The following PUF60 variants were observed in gnomAD, a reference collection of about 807,000 sequenced individuals.
PUF60 encodes the protein poly(U)-binding-splicing factor PUF60.
PUF60 carries 10 observed loss-of-function variants against 61.8 expected under a neutral mutation model. The observed-to-expected ratio is 0.16, with a 90% CI of 0.10 to 0.27. The LOEUF is 0.27. PUF60 is among the 10% of genes least tolerant of loss of function. The pLI is 1.00. For synonymous variants in PUF60, 353 were observed against 300.9 expected (o/e 1.17, Z -1.79); for missense variants, 371 against 754.0 (o/e 0.49, Z 5.95).
chr8:143,819,210 G>GC (rs998482057), intron 5 of PUF60, among the ~76,000 whole-genome samples: 2 of 152,090 alleles, frequency 1.3e-5, no homozygotes, highest in Admixed American at 1.3e-4. Flanking sequence ...CACTGGCCTG[G>GC]CCCCCGGGGG....
At chr8:143,828,837 G>T in intron 1 of PUF60, 2 of 798,858 alleles carry the variant, frequency 2.5e-6, no homozygotes, top group East Asian at 1.3e-4. Flanking sequence ...CATGCTCTGA[G>T]CTGCAGGCCC....
rs369896699 is a variant in PUF60, at chr8:143,821,872, G to A, written c.153C>T (p.Ala51=). The change falls in exon 3 of 12, where the codon GCC becomes GCT. Residue 51 remains alanine, a synonymous_variant. Coordinates refer to ENST00000526683, the MANE Select transcript of PUF60 (RefSeq NM_078480.3). ...TCAGGGGAGGCAGCCCCAGCTTGGC[G>A]GCTGTGCTCTGCCCGTTCTCCATCT... ...SIKMENGQST[A]AKLGLPPLTP... 45 of 1,609,742 alleles carry A rather than the reference G, an allele frequency of 2.8e-5. No homozygotes were observed. The highest frequency in any genetic ancestry group is 8.9e-5 in the East Asian group (4 of 44,856).
Position 143,817,135 on chromosome 8 carries a change from T to C in PUF60, c.1155A>G (p.Pro385=), listed in dbSNP as rs766194613. The C allele has an allele frequency of 1.2e-6, 2 of 1,602,758 alleles. No individual in the cohort carries two copies. Among genetic ancestry groups the C allele is most frequent in the South Asian group, 1.1e-5 (1 of 89,606 alleles). Residue 385 remains proline, a synonymous_variant, in exon 11 of 12, where the codon CCA becomes CCG. Transcript: ENST00000526683. This position sits in a 1 kb window ranked among gnomAD's most constrained non-coding sequence, Gnocchi z 7.4. Reference sequence around the variant, plus strand: ...TGGTGACCGGGATAGGAGGACGGGCTGGGGTCACACCTGCAGGAAAACCAA... The same window carrying C: ...TGGTGACCGGGATAGGAGGACGGGCCGGGGTCACACCTGCAGGAAAACCAA... ...QAPGVITGVT[P]ARPPIPVTIP...
intron 4 of PUF60, chr8:143,821,207 G>A (rs965735033): frequency 2.6e-5 from 11 of 418,072 alleles, no homozygotes; most frequent in Middle Eastern, 1.4e-3. Context: ...GCAGGGGTGA[G>A]GGCCTGAGCA....
intron 5 of PUF60, among the ~76,000 whole-genome samples, chr8:143,819,466 G>GC (rs1816767673): frequency 6.6e-6 from 1 of 152,160 alleles, no homozygotes; most frequent in Non-Finnish European, 1.5e-5. Context: ...GACAGCTGGA[G>GC]CCAGGCCCTG....
Position 143,817,306 on chromosome 8 carries a change from G to A in PUF60, c.1144+25C>T. The A allele has an allele frequency of 6.4e-7, 1 of 1,573,950 alleles. No individual in the cohort carries two copies. Among genetic ancestry groups the A allele is most frequent in the Middle Eastern group, 1.7e-4 (1 of 5,892 alleles). Reference sequence around the variant, plus strand: ...AGAGATGCCAGGACAGGAGAGGAGAGGATCTGGTACCACTTAAGACTCACC... The same window carrying A: ...AGAGATGCCAGGACAGGAGAGGAGAAGATCTGGTACCACTTAAGACTCACC... On this transcript the variant is annotated intron_variant, in intron 10 of 11. Transcript: ENST00000526683. This position sits in a 1 kb window ranked among gnomAD's most constrained non-coding sequence, Gnocchi z 7.4.
intron 1 of PUF60, among the ~76,000 whole-genome samples, chr8:143,825,930 C>T (rs538312278): frequency 3.2e-4 from 48 of 152,332 alleles, no homozygotes; most frequent in Non-Finnish European, 8.8e-5. Flanking sequence ...GGATGTGGCT[C>T]GGAAAAACAT....
intron 1 of PUF60, among the ~76,000 whole-genome samples, chr8:143,826,823 G>A (rs955435979): frequency 1.3e-5 from 2 of 152,184 alleles, no homozygotes; most frequent in Non-Finnish European, 2.9e-5. Flanking sequence ...CTGTCTCCTA[G>A]GGCTACTGTG....
chr8:143,818,732 C>T lies in PUF60; in HGVS notation c.349-198G>A. On this transcript the variant is annotated intron_variant, in intron 5 of 11. Transcript: ENST00000526683. This position sits in a 1 kb window ranked among gnomAD's most constrained non-coding sequence, Gnocchi z 7.9. Reference sequence around the variant, plus strand: ...CGCCACCCAAAGAAGGAAGGCCAGGCCCAGCGGCAGGACAGGACGCACCCC... The same window carrying T: ...CGCCACCCAAAGAAGGAAGGCCAGGTCCAGCGGCAGGACAGGACGCACCCC... 3.1e-6 allele frequency: 2 copies of T among 636,418 alleles called. No homozygotes were observed. The highest frequency in any genetic ancestry group is 5.3e-6 in the Non-Finnish European group (2 of 374,770). The allele number at this position is 636,418 out of a possible 1,614,324, so 39.4% of individuals were successfully genotyped here. A position where few individuals can be genotyped will look rare whatever the true frequency, so the allele number is the denominator to read the frequency against.
At chr8:143,821,115 G>A (rs1167433369) in intron 4 of PUF60, among the ~76,000 whole-genome samples, 1 of 152,272 alleles carries the variant, frequency 6.6e-6, no homozygotes, top group African/African-American at 2.4e-5. Context: ...TCCGGCCACA[G>A]GCCTGGAGCA....
At position 143,817,736 on chromosome 8, in the gene PUF60, G is replaced by A. The variant is rs1816527163; in HGVS notation, c.864C>T (p.Asn288=). 1 of 1,612,634 alleles carries A rather than the reference G, an allele frequency of 6.2e-7. No individual in the cohort carries two copies. The highest frequency in any genetic ancestry group is 1.1e-5 in the South Asian group (1 of 91,078). The change falls in exon 9 of 12, where the codon AAC becomes AAT. Residue 288 remains asparagine, a synonymous_variant. Coordinates refer to ENST00000526683, the MANE Select transcript of PUF60 (RefSeq NM_078480.3). The surrounding 1 kb of genome is among the most constrained non-coding windows in gnomAD (Gnocchi z 7.4). ...QSSQDAVSSM[N]LFDLGGQYLR... ...AGTACTGGCCACCCAGGTCAAAGAG[G>A]TTCATGGAAGACACAGCATCTTGGG...
Position 143,816,890 on chromosome 8 carries a change from C to A in PUF60, c.1380+20G>T. On this transcript the variant is annotated intron_variant, in intron 11 of 11. Transcript: ENST00000526683. ...GCCCCCCTACCCTCTCCCCCGCCAC[C>A]ACCCTGCCCCTCTGCCTACCTCCTG... 1 of 1,565,332 alleles carries A rather than the reference C, an allele frequency of 6.4e-7. No homozygotes were observed.
intron 2 of PUF60, among the ~76,000 whole-genome samples, chr8:143,824,025 CG>C (rs1554646299): frequency 6.6e-6 from 1 of 152,262 alleles, no homozygotes; most frequent in African/African-American, 2.4e-5. Context: ...CAGGCCCCGG[CG>C]TCCCCGCCCA....
Position 143,818,970 on chromosome 8 carries a change from C to T in PUF60, c.349-436G>A. The T allele has an allele frequency of 5.4e-6, 1 of 184,390 alleles. No homozygotes were observed. The highest frequency in any genetic ancestry group is 1.1e-5 in the Non-Finnish European group (1 of 89,608). The allele number at this position is 184,390 out of a possible 1,614,324, so 11.4% of individuals were successfully genotyped here. A position where few individuals can be genotyped will look rare whatever the true frequency, so the allele number is the denominator to read the frequency against. On this transcript the variant is annotated intron_variant, in intron 5 of 11. Transcript: ENST00000526683. This position sits in a 1 kb window ranked among gnomAD's most constrained non-coding sequence, Gnocchi z 7.9. Reference sequence around the variant, plus strand: ...CTGGAGGGACCCACTGGTTTGGTGGCCAGAAGAGAGGAGGTCAGAAGACAG... The same window carrying T: ...CTGGAGGGACCCACTGGTTTGGTGGTCAGAAGAGAGGAGGTCAGAAGACAG...
chr8:143,824,391 A>G lies in PUF60; in HGVS notation c.33T>C (p.Asn11=). The G allele has an allele frequency of 6.2e-7, 1 of 1,612,018 alleles. No homozygotes were observed. The highest frequency in any genetic ancestry group is 8.5e-7 in the Non-Finnish European group (1 of 1,179,742). The change falls in exon 2 of 12, where the codon AAT becomes AAC. Residue 11 remains asparagine, a synonymous_variant. Transcript: ENST00000526683. ...GCTCGGACCCCCCTCCTTGCTGGCC[A>G]TTGACCTGCTGCAGGCAGGAAGGAG... MATATIALQV[N]GQQGGGSEPA...
intron 2 of PUF60, chr8:143,822,336 C>A: frequency 2.7e-6 from 1 of 366,206 alleles, no homozygotes; most frequent in Non-Finnish European, 5.5e-6. Context: ...GGACTCCTTG[C>A]TCCCAGGCTC....
At position 143,818,704 on chromosome 8, in the gene PUF60, C is replaced by A; in HGVS notation, c.349-170G>T. On this transcript the variant is annotated intron_variant, in intron 5 of 11. Transcript: ENST00000526683. This position sits in a 1 kb window ranked among gnomAD's most constrained non-coding sequence, Gnocchi z 7.9. ...CAGTCATAGTGTGGGGGTCGCAGGACCCCGCCACCCAAAGAAGGAAGGCCA... is the reference window on the plus strand; with the variant it reads ...CAGTCATAGTGTGGGGGTCGCAGGAACCCGCCACCCAAAGAAGGAAGGCCA... 1.4e-6 allele frequency: 1 copy of A among 714,126 alleles called. No homozygotes were observed. Among genetic ancestry groups the A allele is most frequent in the East Asian group, 2.8e-5 (1 of 36,096 alleles). 44.2% of individuals were successfully genotyped at this position (714,126 alleles called of 1,614,324 possible).
At chr8:143,827,934 T>A (rs902673333) in intron 1 of PUF60, among the ~76,000 whole-genome samples, 1 of 152,186 alleles carries the variant, frequency 6.6e-6, no homozygotes, top group East Asian at 1.9e-4. Flanking sequence ...CACCTTCCCA[T>A]GTCCAGTCCT....
rs753536852 is a variant in PUF60, at chr8:143,821,926, CAGG to C, written c.112-16_112-14del. The stretch of plus-strand genomic sequence containing the variant: ...TGGAGTCTGTGCCCTGGTAAGGGAG[CAGG>C]GGAATCCATCAGCAGCAAGCTCAAG... On this transcript the variant is annotated splice_polypyrimidine_tract_variant and intron_variant, in intron 2 of 11. Transcript: ENST00000526683. The C allele has an allele frequency of 7.6e-6, 12 of 1,570,860 alleles. No individual in the cohort carries two copies. Among genetic ancestry groups the C allele is most frequent in the Admixed American group, 1.8e-5 (1 of 55,908 alleles).
Sources: gnomAD v4.1 joint callset for allele counts (sites outside exome capture counted in the v4.1 genomes callset) on GRCh38, gnomAD v4.1.1 for gene constraint, Gnocchi (gnomAD v3.1) non-coding constraint, MANE v1.5 for transcripts, NCBI Gene and HGNC (gene_info 2026-07-23, HGNC 2026-07-21) for gene names.